The following THSD7B variants were observed in gnomAD, a reference collection of about 807,000 sequenced individuals.
THSD7B encodes the protein thrombospondin type 1 domain containing 7B, also known as thrombospondin type-1 domain-containing protein 7B.
In THSD7B, 138 loss-of-function variants were observed where a neutral mutation model predicts 213.6. The ratio of observed to expected loss-of-function variants is 0.65; its 90% CI spans 0.56 to 0.74. The LOEUF is 0.74. Among genes scored for constraint, THSD7B ranks in the 30% least tolerant of loss-of-function variants. The pLI is 0.00. For missense variants in THSD7B, 1,931 were observed against 1,991.5 expected, an observed-to-expected ratio of 0.97 and a Z score of 0.58; for synonymous variants, 742 against 687.0, an observed-to-expected ratio of 1.08 and a Z score of -1.25.
At chr2:137,314,126 C>T (rs1684012632) in intron 12 of THSD7B, among the ~76,000 whole-genome samples, 1 of 152,164 alleles carries the variant, frequency 6.6e-6, no homozygotes, top group African/African-American at 2.4e-5. Context: ...CCATTCTCCC[C>T]ATCACTTTCA....
rs1433970850 is a variant in THSD7B, at chr2:137,080,168, A to G, written c.951-14705A>G. ...TGGCTTTTTAAATATATGTAAATATATGTGTGTGTGTGTGTGTGTATATAT... is the reference window on the plus strand; with the variant it reads ...TGGCTTTTTAAATATATGTAAATATGTGTGTGTGTGTGTGTGTGTATATAT... On this transcript the variant is annotated intron_variant, in intron 3 of 27. Coordinates refer to ENST00000409968, the MANE Select transcript of THSD7B (RefSeq NM_001316349.2). 1.3e-4 allele frequency among the ~76,000 whole-genome samples: 20 copies of G among 148,318 alleles called. No homozygotes were observed. The East Asian group carries it at 1.4e-3, about 10-fold the overall frequency.
rs1490695914 is a variant in THSD7B, at chr2:137,229,292, G to A, written c.1724-1752G>A. The stretch of plus-strand genomic sequence containing the variant: ...TGTGGAAATTAAATTTTGATTAGAT[G>A]TAGGTTGGGCCTTTTGTTTGGCCTG... On this transcript the variant is annotated intron_variant, in intron 7 of 27. Coordinates refer to ENST00000409968, the MANE Select transcript of THSD7B (RefSeq NM_001316349.2). Among the ~76,000 whole-genome samples, 6 of 152,110 alleles carry A rather than the reference G, an allele frequency of 3.9e-5. 1 individual carries two copies. The highest frequency in any genetic ancestry group is 7.4e-5 in the Non-Finnish European group (5 of 68,026).
In THSD7B at chr2:136,971,639, TACAC is replaced by T. The variant is rs6146927; in HGVS notation, c.140-84752_140-84749del. On this transcript the variant is annotated intron_variant, in intron 2 of 27. Coordinates refer to ENST00000409968, the MANE Select transcript of THSD7B (RefSeq NM_001316349.2). ...AAGTCACTGGTTTAACAACAACAAA[TACAC>T]ACACACACACACACACACACACACA... is the stretch of plus-strand genomic sequence containing the variant. Among the ~76,000 whole-genome samples the T allele has an allele frequency of 5.5e-3, 748 of 135,354 alleles. 5 individuals carry two copies. Among genetic ancestry groups the T allele is most frequent in the Non-Finnish European group, 8.8e-3 (563 of 63,686 alleles). 88.8% of individuals were successfully genotyped at this position (135,354 alleles called of 152,430 possible). A position where few individuals can be genotyped will look rare whatever the true frequency, so the allele number is the denominator to read the frequency against.
intron 27 of THSD7B, among the ~76,000 whole-genome samples, chr2:137,676,010 A>G (rs1431731322): frequency 6.6e-6 from 1 of 152,220 alleles, no homozygotes; most frequent in East Asian, 1.9e-4. Context: ...TGTGGACTTC[A>G]GGTAAAGCAG....
chr2:137,648,165 C>T (rs974661069), intron 21 of THSD7B, among the ~76,000 whole-genome samples: 10 of 152,102 alleles, frequency 6.6e-5, no homozygotes, highest in South Asian at 6.2e-4. Flanking sequence ...TCATATAATT[C>T]GTAAATATCA....
At chr2:136,980,890 C>T (rs1192381961) in intron 2 of THSD7B, among the ~76,000 whole-genome samples, 2 of 152,194 alleles carry the variant, frequency 1.3e-5, no homozygotes, top group Non-Finnish European at 1.5e-5. Context: ...CCATGTGGCT[C>T]CTGGGTGGGC....
intron 1 of THSD7B, among the ~76,000 whole-genome samples, chr2:136,881,545 C>A (rs775189797): frequency 2.6e-5 from 4 of 152,086 alleles, no homozygotes; most frequent in Non-Finnish European, 5.9e-5. Context: ...AACGTTCTAG[C>A]AGTCAAAGTC....
At chr2:136,817,076 G>A (rs1261320243) in intron 1 of THSD7B, among the ~76,000 whole-genome samples, 9 of 152,024 alleles carry the variant, frequency 5.9e-5, no homozygotes, top group Non-Finnish European at 1.2e-4. Flanking sequence ...CTCTATTGTC[G>A]GCTCATTCTT....
chr2:137,636,330 G>A (rs1330307098), intron 20 of THSD7B, among the ~76,000 whole-genome samples: 1 of 152,128 alleles, frequency 6.6e-6, no homozygotes, highest in Non-Finnish European at 1.5e-5. Flanking sequence ...ATTAAAGGGA[G>A]CCCTTGGAAA....
intron 21 of THSD7B, 62 bp from the exon 22 acceptor site, chr2:137,655,439 G>A (rs1252093651): frequency 1.3e-6 from 2 of 1,516,816 alleles, no homozygotes; most frequent in South Asian, 1.3e-5. Flanking sequence ...GAGGTGGCAA[G>A]AGCCAAAACT....
At chr2:137,201,754 G>A (rs1680879530) in intron 7 of THSD7B, among the ~76,000 whole-genome samples, 1 of 152,138 alleles carries the variant, frequency 6.6e-6, no homozygotes, top group African/African-American at 2.4e-5. Context: ...GTGAGAGTGC[G>A]AGGTGCCACA....
chr2:136,919,159 A>G (rs1292524595), intron 2 of THSD7B, among the ~76,000 whole-genome samples: 1 of 152,252 alleles, frequency 6.6e-6, no homozygotes, highest in East Asian at 1.9e-4. Context: ...AATAATTGGC[A>G]ACTCAGTAGC....
chr2:137,304,649 T>C (rs1026614724), intron 12 of THSD7B, among the ~76,000 whole-genome samples: 1 of 152,120 alleles, frequency 6.6e-6, no homozygotes, highest in Non-Finnish European at 1.5e-5. Flanking sequence ...GGTATATGTA[T>C]GCTATTGTTT....
intron 12 of THSD7B, among the ~76,000 whole-genome samples, chr2:137,321,409 T>A (rs962458431): frequency 2.6e-5 from 4 of 152,206 alleles, no homozygotes; most frequent in African/African-American, 9.6e-5. Context: ...GTCACGCACA[T>A]GCATTCTTAG....
chr2:137,531,899 A>G (rs189342303), intron 15 of THSD7B, among the ~76,000 whole-genome samples: 1 of 152,084 alleles, frequency 6.6e-6, no homozygotes, highest in East Asian at 1.9e-4. Flanking sequence ...TGCTCACAGA[A>G]TATCAAGTAG....
intron 2 of THSD7B, among the ~76,000 whole-genome samples, chr2:136,993,597 T>C (rs1186291240): frequency 1.3e-5 from 2 of 152,228 alleles, no homozygotes; most frequent in South Asian, 4.1e-4. Context: ...CACATATAGA[T>C]GTTCATGTGA....
At chr2:137,134,284 C>T (rs1286427997) in intron 5 of THSD7B, among the ~76,000 whole-genome samples, 2 of 152,184 alleles carry the variant, frequency 1.3e-5, no homozygotes, top group Non-Finnish European at 2.9e-5. Flanking sequence ...AGTCAGCATT[C>T]CTAACACTGA....
At chr2:137,362,107 C>A (rs2104936453) in intron 12 of THSD7B, among the ~76,000 whole-genome samples, 1 of 152,216 alleles carries the variant, frequency 6.6e-6, no homozygotes, top group African/African-American at 2.4e-5. Context: ...GAATTTTCAA[C>A]CCAGAATTTC....
intron 7 of THSD7B, among the ~76,000 whole-genome samples, chr2:137,175,929 G>A (rs1320789824): frequency 6.6e-6 from 1 of 152,068 alleles, no homozygotes; most frequent in Non-Finnish European, 1.5e-5. Flanking sequence ...AATATTTTGC[G>A]ATTCACCAGA....
Sources: gnomAD v4.1 joint callset for allele counts (sites outside exome capture counted in the v4.1 genomes callset) on GRCh38, gnomAD v4.1.1 for gene constraint, MANE v1.5 for transcripts, NCBI Gene and HGNC (gene_info 2026-07-23, HGNC 2026-07-21) for gene names.